Variants in MPDZ observed in about 807,000 individuals in gnomAD.
MPDZ encodes multiple PDZ domain crumbs cell polarity complex component.
MPDZ carries 234 observed loss-of-function variants against 239.1 expected under a neutral mutation model. That is an observed-to-expected ratio of 0.98 (90% CI 0.88 to 1.09). The LOEUF (loss-of-function observed/expected upper bound fraction) is 1.09, where lower values mean the gene tolerates loss of function less well. Ranked by LOEUF, MPDZ falls within the 50% of genes least tolerant of loss-of-function variation. The pLI is 0.00. For synonymous variants in MPDZ, 1,048 were observed against 881.3 expected (o/e 1.19, Z -3.35); for missense variants, 3,175 against 2,510.0 (o/e 1.26, Z -5.66).
chr9:13,188,168 G>A (rs558871383), intron 17 of MPDZ, among the ~76,000 whole-genome samples: 3 of 152,152 alleles, frequency 2.0e-5, no homozygotes, highest in East Asian at 1.9e-4. Flanking sequence ...GATATTGTAA[G>A]CCATATTCAT....
At chr9:13,197,498 A>C (rs1269682562) in intron 12 of MPDZ, among the ~76,000 whole-genome samples, 1 of 152,136 alleles carries the variant, frequency 6.6e-6, no homozygotes, top group Non-Finnish European at 1.5e-5. Flanking sequence ...ATAATTGTAC[A>C]TATTTATAGG....
chr9:13,153,281 C>G (rs925309655), intron 24 of MPDZ, among the ~76,000 whole-genome samples: 2 of 152,082 alleles, frequency 1.3e-5, no homozygotes, highest in African/African-American at 4.8e-5. Flanking sequence ...ATCTATAACT[C>G]TAGAAACTCT....
chr9:13,204,308 C>G (rs889231049), intron 12 of MPDZ, among the ~76,000 whole-genome samples: 2 of 152,058 alleles, frequency 1.3e-5, no homozygotes, highest in East Asian at 3.9e-4. Flanking sequence ...ATGCTACTGG[C>G]CAGGTGTGGT....
chr9:13,252,123 G>C (rs185449027), intron 1 of MPDZ, among the ~76,000 whole-genome samples: 53 of 152,162 alleles, frequency 3.5e-4, no homozygotes, highest in African/African-American at 1.1e-3. Context: ...GCCGAGCATT[G>C]CATTATTTCA....
At chr9:13,211,417 C>T (rs1957604937) in intron 10 of MPDZ, among the ~76,000 whole-genome samples, 1 of 152,026 alleles carries the variant, frequency 6.6e-6, no homozygotes, top group Admixed American at 6.6e-5. Context: ...TTCTCAGAGA[C>T]AAAAAGTTTA....
At position 13,246,596 on chromosome 9, in the gene MPDZ, T is replaced by C. The variant is rs1966646173; in HGVS notation, c.183+1039A>G. Among the ~76,000 whole-genome samples the C allele has an allele frequency of 2.6e-5, 4 of 152,226 alleles. No homozygotes were observed. In the South Asian group the frequency reaches 8.3e-4, roughly 31 times the overall value. Reference sequence around the variant, plus strand: ...AGAAAGGTATTTGTGAAGATTCTTCTTGACTTAACTTTTTTTGCTACAAAA... The same window carrying C: ...AGAAAGGTATTTGTGAAGATTCTTCCTGACTTAACTTTTTTTGCTACAAAA... On this transcript the variant is annotated intron_variant, in intron 3 of 46. Transcript: ENST00000319217.
chr9:13,129,613 G>A (rs982731052), intron 32 of MPDZ, among the ~76,000 whole-genome samples: 1 of 152,134 alleles, frequency 6.6e-6, no homozygotes, highest in East Asian at 1.9e-4. Context: ...AGTGCATATA[G>A]TCCTTAGCAA....
chr9:13,126,541 A>G lies in MPDZ; in HGVS notation c.4607T>C (p.Ile1536Thr). The stretch of plus-strand genomic sequence containing the variant: ...CTTTTCAATAGGGTAACCAACAACA[A>G]TTTCATCATCTACAGCCAGTATCTG... ...GDQILAVDDEIVVGYPIEKFI... is the reference protein window; with the variant it reads ...GDQILAVDDETVVGYPIEKFI... Residue 1536 changes from isoleucine to threonine, a missense_variant, in exon 34 of 47, where the codon ATT becomes ACT. Ile to Thr is a moderately conservative substitution (Grantham distance 89, BLOSUM62 -1). Transcript: ENST00000319217. 1.3e-6 allele frequency: 2 copies of G among 1,574,906 alleles called. No homozygotes were observed. Among genetic ancestry groups the G allele is most frequent in the South Asian group, 1.2e-5 (1 of 86,402 alleles).
intron 3 of MPDZ, among the ~76,000 whole-genome samples, chr9:13,243,667 T>G (rs547030604): frequency 2.4e-4 from 37 of 152,308 alleles, no homozygotes; most frequent in African/African-American, 8.4e-4. Flanking sequence ...AAGAGTAATT[T>G]TCAACCCTGA....
intron 43 of MPDZ, among the ~76,000 whole-genome samples, 198 bp from the exon 44 acceptor site, chr9:13,110,938 T>C (rs941623775): frequency 2.0e-5 from 3 of 152,200 alleles, no homozygotes; most frequent in African/African-American, 7.2e-5. Context: ...TGCATAATGG[T>C]TGAGTTCCAT....
rs74931568 is a variant in MPDZ, at chr9:13,262,604, C to T, written c.-57-12232G>A. ...AGAAATAGAGTCTATATAATATATA[C>T]ACCAAGATGAAAAAAAGATGAACAA... On this transcript the variant is annotated intron_variant, in intron 1 of 46. Coordinates refer to ENST00000319217, the MANE Select transcript of MPDZ (RefSeq NM_001378778.1). Among the ~76,000 whole-genome samples the T allele has an allele frequency of 0.017, 2,519 of 150,908 alleles. 120 individuals carry two copies. In the East Asian group the frequency reaches 0.19, roughly 11 times the overall value.
chr9:13,156,058 T>C (rs1949775752), intron 24 of MPDZ, among the ~76,000 whole-genome samples: 1 of 152,202 alleles, frequency 6.6e-6, no homozygotes, highest in African/African-American at 2.4e-5. Flanking sequence ...AAAGGCTTTC[T>C]CTTTGCTTAG....
intron 30 of MPDZ, 48 bp downstream of exon 30, chr9:13,136,664 A>G: frequency 8.4e-7 from 1 of 1,190,162 alleles, no homozygotes; most frequent in South Asian, 1.3e-5. Context: ...CTCAGAGAAG[A>G]AATGCTAACA....
In MPDZ at chr9:13,109,044, C is replaced by T; in HGVS notation, c.5958G>A (p.Lys1986=). The change falls in exon 46 of 47, where the codon AAG becomes AAA. Residue 1986 remains lysine, a synonymous_variant. Coordinates refer to ENST00000319217, the MANE Select transcript of MPDZ (RefSeq NM_001378778.1). ...CTGGTCCTCGCTCTAGTGTAATAGA[C>T]TTACATTGAGGAGGTCTACGGTGAA... ...FQDDLGPPQC[K]SITLERGPDG... 4 of 1,524,746 alleles carry T rather than the reference C, an allele frequency of 2.6e-6. No individual in the cohort carries two copies. The highest frequency in any genetic ancestry group is 3.5e-6 in the Non-Finnish European group (4 of 1,131,956). 94.5% of individuals were successfully genotyped at this position (1,524,746 alleles called of 1,614,324 possible). A position where few individuals can be genotyped will look rare whatever the true frequency, so the allele number is the denominator to read the frequency against.
intron 1 of MPDZ, among the ~76,000 whole-genome samples, chr9:13,256,800 CACACAG>C (rs1564145862): frequency 6.6e-6 from 1 of 152,148 alleles, no homozygotes; most frequent in South Asian, 2.1e-4. Context: ...CAAAACGTGA[CACACAG>C]ACACAAAGTA....
chr9:13,106,985 T>TGACA lies in MPDZ; in HGVS notation c.6189_6192dup (p.Thr2065CysfsTer20). ...CCAATTCAAGAGAGAACCATCAAAGTGACAGTGCCTTTTGTCCGTTTAAGG... is the reference window on the plus strand; with the variant it reads ...CCAATTCAAGAGAGAACCATCAAAGTGACAGACAGTGCCTTTTGTCCGTTTAAGG... On this transcript the variant is annotated frameshift_variant, in exon 47 of 47. Coordinates refer to ENST00000319217, the MANE Select transcript of MPDZ (RefSeq NM_001378778.1). LOFTEE classifies it high-confidence loss of function. 6.2e-7 allele frequency: 1 copy of TGACA among 1,613,716 alleles called. No homozygotes were observed. Among genetic ancestry groups the TGACA allele is most frequent in the Non-Finnish European group, 8.5e-7 (1 of 1,179,638 alleles).
intron 24 of MPDZ, among the ~76,000 whole-genome samples, chr9:13,151,494 C>A (rs1949165434): frequency 1.3e-5 from 2 of 151,892 alleles, no homozygotes; most frequent in South Asian, 4.2e-4. Context: ...TATGAATAAA[C>A]CTTGAAGACA....
intron 9 of MPDZ, 46 bp from the exon 10 acceptor site, chr9:13,216,908 C>A (rs776763215): frequency 8.5e-6 from 12 of 1,413,212 alleles, no homozygotes; most frequent in Non-Finnish European, 1.1e-5. Flanking sequence ...AAAGCACATT[C>A]AAAGAATATC....
intron 22 of MPDZ, chr9:13,165,339 A>G: frequency 1.3e-6 from 2 of 1,546,108 alleles, no homozygotes; most frequent in Non-Finnish European, 1.7e-6. Flanking sequence ...ACACAGCCAT[A>G]ATGAGCTTTC....
Sources: gnomAD v4.1 joint callset for allele counts (sites outside exome capture counted in the v4.1 genomes callset) on GRCh38, gnomAD v4.1.1 for gene constraint, MANE v1.5 for transcripts, NCBI Gene and HGNC (gene_info 2026-07-23, HGNC 2026-07-21) for gene names.